MPI: variants seen among roughly 807,000 people sequenced by gnomAD.
MPI encodes the protein mannose phosphate isomerase.
Under a neutral mutation model 40.1 loss-of-function variants are expected in MPI, and 33 were observed. That is an observed-to-expected ratio of 0.82 (90% CI 0.62 to 1.10). The LOEUF is 1.10. Among genes scored for constraint, MPI ranks in the 50% least tolerant of loss-of-function variants. The probability of loss-of-function intolerance (pLI) is 0.00; values close to 1 mark genes in which losing one functional copy is unlikely to be tolerated. For synonymous variants in MPI, 187 were observed against 207.4 expected (o/e 0.90, Z 0.85); for missense variants, 514 against 524.1 (o/e 0.98, Z 0.19).
chr15:74,893,017 T>C, intron 4 of MPI, 121 bp from the exon 5 acceptor site: 1 of 1,395,344 alleles, frequency 7.2e-7, no homozygotes, highest in Non-Finnish European at 1.0e-6. Flanking sequence ...ACTGCAAAGT[T>C]TACTTAGCAT....
At chr15:74,894,708 A>G (rs1216424983) in intron 5 of MPI, among the ~76,000 whole-genome samples, 1 of 150,504 alleles carries the variant, frequency 6.6e-6, no homozygotes, top group African/African-American at 2.4e-5. Context: ...AATCACTTGA[A>G]CCCAGGAGGT....
At chr15:74,890,849 A>G (rs1567264606) in intron 2 of MPI, 195 bp downstream of exon 2, 1 of 723,678 alleles carries the variant, frequency 1.4e-6, no homozygotes, top group Non-Finnish European at 2.4e-6. Context: ...GATTTCCAGC[A>G]CTCTCCTTCC....
At chr15:74,895,137 T>TC (rs1392906967) in intron 5 of MPI, among the ~76,000 whole-genome samples, 1 of 149,582 alleles carries the variant, frequency 6.7e-6, no homozygotes, top group African/African-American at 2.4e-5. Flanking sequence ...GGCTTTTTTT[T>TC]TTTTTTTTTT....
Position 74,896,255 on chromosome 15 carries a change from C to T in MPI, c.774C>T (p.Asn258=), listed in dbSNP as rs2064816667. Residue 258 remains asparagine, a synonymous_variant, in exon 6 of 8, where the codon AAC becomes AAT. Coordinates refer to ENST00000352410, the MANE Select transcript of MPI (RefSeq NM_002435.3). ...DIGCFAIYFL[N]LLTLKPGEAM... ...GCTGCTTTGCCATCTACTTCCTGAA[C>T]CTGCTTACCCTGAAGCCTGGGGAGG... The T allele has an allele frequency of 6.2e-7, 1 of 1,614,192 alleles. No individual in the cohort carries two copies. Among genetic ancestry groups the T allele is most frequent in the Non-Finnish European group, 8.5e-7 (1 of 1,180,034 alleles).
rs759745815 is a variant in MPI at position 74,892,778 on chromosome 15, G to C, written c.463G>C (p.Glu155Gln). ...FQGLCGFRPV[E>Q]EIVTFLKKVP... ...GGGCTTGTGTGGCTTCCGGCCAGTT[G>C]AGGAGATTGTAACCTTTCTAAAGAG... Residue 155 changes from glutamate to glutamine, a missense_variant, in exon 4 of 8, where the codon GAG becomes CAG. Physicochemically the swap from Glu to Gln is conservative, Grantham distance 29 (BLOSUM62 2). Coordinates refer to ENST00000352410, the MANE Select transcript of MPI (RefSeq NM_002435.3). 3 of 1,614,270 alleles carry C rather than the reference G, an allele frequency of 1.9e-6. No homozygotes were observed. In the Admixed American group the frequency reaches 5.0e-5, roughly 27 times the overall value.
chr15:74,897,510 AG>A lies in MPI; in HGVS notation c.1054del, dbSNP rs752976348. On this transcript the variant is annotated splice_acceptor_variant, in intron 7 of 7. Transcript: ENST00000352410. LOFTEE classifies it high-confidence loss of function. ...ACTGCCTTATCATTTCTTCCTGCCC[AG>A]GTCCCTGGCTCTGTCACTGAATACA... 6.2e-7 allele frequency: 1 copy of A among 1,613,894 alleles called. No homozygotes were observed.
Position 74,891,438 on chromosome 15 carries a change from G to A in MPI, c.204G>A (p.Gln68=), listed in dbSNP as rs779450524. ...AGATCCTTGACAACCGCATCTCACA[G>A]AAGACCCTAAGCCAGTGGATTGCTG... ...DAKILDNRIS[Q]KTLSQWIAEN... Residue 68 remains glutamine (Q), a synonymous_variant, in exon 3 of 8, where the codon CAG becomes CAA. Coordinates refer to ENST00000352410, the MANE Select transcript of MPI (RefSeq NM_002435.3). 1 of 1,614,232 alleles carries A rather than the reference G, an allele frequency of 6.2e-7. No individual in the cohort carries two copies. The highest frequency in any genetic ancestry group is 8.5e-7 in the Non-Finnish European group (1 of 1,180,050).
chr15:74,894,802 A>C (rs1446290574), intron 5 of MPI, among the ~76,000 whole-genome samples: 1 of 148,934 alleles, frequency 6.7e-6, no homozygotes, highest in Non-Finnish European at 1.5e-5. Context: ...AAAAAAAAAG[A>C]AAAAGAAAAA....
Position 74,897,930 on chromosome 15 carries a change from C to G in MPI, c.*200C>G. 6.1e-6 allele frequency: 4 copies of G among 654,066 alleles called. No individual in the cohort carries two copies. In the South Asian group the frequency reaches 6.6e-5, roughly 11 times the overall value. The allele number at this position is 654,066 out of a possible 1,614,324, so 40.5% of individuals were successfully genotyped here. ...TGGAACCATCTTTGGGGAGGAGAGG[C>G]CCGTGTGAGGGGTCTGATACTCCCT... On this transcript the variant is annotated 3_prime_UTR_variant, in exon 8 of 8. Transcript: ENST00000352410.
intron 7 of MPI, 73 bp from the exon 8 acceptor site, chr15:74,897,439 G>C: frequency 1.3e-6 from 2 of 1,485,954 alleles, no homozygotes; most frequent in East Asian, 4.5e-5. Flanking sequence ...CGTGCCCTGG[G>C]GACTGTCCTG....
At position 74,901,094 on chromosome 15, in the gene MPI, C is replaced by T. The variant is rs1402337739; in HGVS notation, c.*3364C>T. ...ACTGAGTAAAGCAAGAGACTGGATA[C>T]TTTCCCATGTAGAACCTATACCCCA... On this transcript the variant is annotated 3_prime_UTR_variant, in exon 8 of 8. Coordinates refer to ENST00000352410, the MANE Select transcript of MPI (RefSeq NM_002435.3). 1 of 152,208 alleles carries T rather than the reference C, an allele frequency of 6.6e-6. No individual in the cohort carries two copies. The highest frequency in any genetic ancestry group is 2.4e-5 in the African/African-American group (1 of 41,440). 9.4% of individuals were successfully genotyped at this position (152,208 alleles called of 1,614,324 possible). A position where few individuals can be genotyped will look rare whatever the true frequency, so the allele number is the denominator to read the frequency against.
At chr15:74,890,226 C>T in intron 1 of MPI, 137 bp downstream of exon 1, 1 of 1,273,692 alleles carries the variant, frequency 7.9e-7, no homozygotes, top group Non-Finnish European at 1.1e-6. Context: ...GAGGTGTGGC[C>T]ACCTGCGATG....
At chr15:74,895,264 C>T (rs1041121738) in intron 5 of MPI, among the ~76,000 whole-genome samples, 28 of 150,858 alleles carry the variant, frequency 1.9e-4, no homozygotes, top group African/African-American at 6.1e-4. Context: ...TGTGAGCCAC[C>T]GCGCCCAGCT....
Position 74,899,050 on chromosome 15 carries a change from C to T in MPI, c.*1320C>T, listed in dbSNP as rs1191336729. ...CAACATACTCAACTGTTGCAGATTA[C>T]AGGGACTCAGGAACCGAATTAGACA... On this transcript the variant is annotated 3_prime_UTR_variant, in exon 8 of 8. Coordinates refer to ENST00000352410, the MANE Select transcript of MPI (RefSeq NM_002435.3). 2.0e-5 allele frequency: 3 copies of T among 152,254 alleles called. No individual in the cohort carries two copies. Among genetic ancestry groups the T allele is most frequent in the Non-Finnish European group, 4.4e-5 (3 of 68,056 alleles). The allele number at this position is 152,254 out of a possible 1,614,324, so 9.4% of individuals were successfully genotyped here. A position where few individuals can be genotyped will look rare whatever the true frequency, so the allele number is the denominator to read the frequency against.
rs1212441198 is a variant in MPI at position 74,890,233 on chromosome 15, G to A, written c.16+144G>A. On this transcript the variant is annotated intron_variant, in intron 1 of 7. Transcript: ENST00000352410. ...GCCGGGCAGAGGTGTGGCCACCTGC[G>A]ATGGGGATTGACCTCCGAGGGGAGG... 5.0e-6 allele frequency: 6 copies of A among 1,203,952 alleles called. No homozygotes were observed. In the African/African-American group the frequency reaches 7.5e-5, roughly 15 times the overall value. 74.6% of individuals were successfully genotyped at this position (1,203,952 alleles called of 1,614,324 possible). A position where few individuals can be genotyped will look rare whatever the true frequency, so the allele number is the denominator to read the frequency against.
At chr15:74,893,888 A>C (rs1329437076) in intron 5 of MPI, 1 of 165,778 alleles carries the variant, frequency 6.0e-6, no homozygotes, top group East Asian at 1.7e-4. Flanking sequence ...TATGTGGTGC[A>C]GGCGATGAGG....
At chr15:74,892,442 C>T (rs1278031663) in intron 3 of MPI, among the ~76,000 whole-genome samples, 1 of 152,244 alleles carries the variant, frequency 6.6e-6, no homozygotes, top group Non-Finnish European at 1.5e-5. Context: ...CAGCTTTTCC[C>T]TGATTTGCCC....
intron 5 of MPI, among the ~76,000 whole-genome samples, chr15:74,894,091 TGTGTGTG>T (rs1445017974): frequency 0.063 from 3,557 of 56,766 alleles, 478 homozygotes; most frequent in East Asian, 0.18. Flanking sequence ...TGTGTGTGTG[TGTGTGTG>T]TGTGTGTGTG....
chr15:74,894,134 A>G (rs2064780790), intron 5 of MPI, among the ~76,000 whole-genome samples: 1 of 116,146 alleles, frequency 8.6e-6, no homozygotes, highest in African/African-American at 2.7e-5. Flanking sequence ...CCCAGGCTGG[A>G]GTGCAGTGGT....
Sources: allele counts gnomAD v4.1 joint callset (sites outside exome capture counted in the v4.1 genomes callset), GRCh38; gene constraint gnomAD v4.1.1; transcripts MANE v1.5; gene names NCBI Gene and HGNC (gene_info 2026-07-23, HGNC 2026-07-21).